SNTG2: variants seen among roughly 807,000 people sequenced by gnomAD.
The protein encoded by SNTG2 is gamma-2-syntrophin.
In SNTG2, 74 loss-of-function variants were observed where a neutral mutation model predicts 70.9. That is an observed-to-expected ratio of 1.04 (90% CI 0.86 to 1.27). The LOEUF is 1.27. Ranked by LOEUF, SNTG2 falls within the 50% of genes most tolerant of loss-of-function variation. SNTG2 has a pLI of 0.00. For synonymous variants in SNTG2, 278 were observed against 273.8 expected (o/e 1.02, Z -0.15); for missense variants, 717 against 690.7 (o/e 1.04, Z -0.43).
At chr2:1,351,783 T>G (rs1660595387) in intron 16 of SNTG2, among the ~76,000 whole-genome samples, 1 of 152,196 alleles carries the variant, frequency 6.6e-6, no homozygotes, top group Non-Finnish European at 1.5e-5. Flanking sequence ...TCTGACCTGG[T>G]TGTTCCAGGA....
At chr2:1,260,626 T>C (rs986003146) in intron 13 of SNTG2, among the ~76,000 whole-genome samples, 1 of 152,248 alleles carries the variant, frequency 6.6e-6, no homozygotes, top group African/African-American at 2.4e-5. Context: ...CTTTTCTAGT[T>C]ATTGTTGCTT....
intron 2 of SNTG2, among the ~76,000 whole-genome samples, chr2:1,092,286 G>A (rs1317133441): frequency 2.0e-5 from 3 of 151,784 alleles, no homozygotes; most frequent in South Asian, 4.2e-4. Context: ...TAGGTCCCTC[G>A]CCTTTCCCAC....
At chr2:1,248,619 G>A (rs962974342) in intron 12 of SNTG2, among the ~76,000 whole-genome samples, 2 of 152,136 alleles carry the variant, frequency 1.3e-5, no homozygotes, top group African/African-American at 2.4e-5. Context: ...TCAAATTCAA[G>A]TCCCAGAGGT....
intron 1 of SNTG2, among the ~76,000 whole-genome samples, chr2:976,979 G>A (rs1388916443): frequency 1.3e-5 from 2 of 152,212 alleles, no homozygotes; most frequent in African/African-American, 2.4e-5. Flanking sequence ...CAAGGGTCTT[G>A]TGGGATTTCT....
intron 6 of SNTG2, among the ~76,000 whole-genome samples, chr2:1,145,247 T>C (rs7601399): frequency 0.37 from 55,841 of 151,514 alleles, 11,108 homozygotes; most frequent in East Asian, 0.83. Context: ...TGATGAAAAT[T>C]AGAGAAGAAA....
intron 14 of SNTG2, among the ~76,000 whole-genome samples, chr2:1,283,650 C>T (rs1221418758): frequency 1.3e-5 from 2 of 152,170 alleles, no homozygotes; most frequent in African/African-American, 2.4e-5. Context: ...CTCACCACAG[C>T]CTGTGTGTGG....
intron 1 of SNTG2, among the ~76,000 whole-genome samples, chr2:996,578 G>A (rs1195412053): frequency 3.3e-5 from 5 of 149,874 alleles, no homozygotes; most frequent in Non-Finnish European, 5.9e-5. Context: ...ACACATATGT[G>A]TATCTACATC....
chr2:1,148,191 C>T (rs1452099078), intron 6 of SNTG2, among the ~76,000 whole-genome samples: 2 of 152,246 alleles, frequency 1.3e-5, no homozygotes, highest in Non-Finnish European at 2.9e-5. Flanking sequence ...TTGTGAGGCT[C>T]TGTCATTCCA....
intron 4 of SNTG2, among the ~76,000 whole-genome samples, chr2:1,126,182 T>C (rs1667688217): frequency 6.6e-6 from 1 of 152,196 alleles, no homozygotes; most frequent in East Asian, 1.9e-4. Context: ...GTAACCTCTA[T>C]TCTACTCCTT....
intron 4 of SNTG2, among the ~76,000 whole-genome samples, chr2:1,105,602 C>T (rs543625878): frequency 1.4e-4 from 21 of 152,304 alleles, no homozygotes; most frequent in Non-Finnish European, 2.5e-4. Context: ...CCGTTCTATA[C>T]ATAGATTTTA....
intron 1 of SNTG2, among the ~76,000 whole-genome samples, chr2:971,197 A>G (rs1481146455): frequency 6.6e-6 from 1 of 152,212 alleles, no homozygotes; most frequent in Non-Finnish European, 1.5e-5. Flanking sequence ...GTTTTGGAAT[A>G]GTTTCATTAG....
rs182716003 is a variant in SNTG2, at chr2:1,200,891, A to C, written c.592-8212A>C. ...TGGTTATTTTAAAAAAGATTTTAGA[A>C]AAATTACAGACTCTGGAAGGATGAG... On this transcript the variant is annotated intron_variant, in intron 8 of 16. Transcript: ENST00000308624. 1.2e-4 allele frequency among the ~76,000 whole-genome samples: 19 copies of C among 152,110 alleles called. No individual in the cohort carries two copies. In the East Asian group the frequency reaches 2.9e-3, roughly 23 times the overall value.
chr2:1,273,459 C>T (rs1679139750), intron 14 of SNTG2, among the ~76,000 whole-genome samples: 2 of 152,012 alleles, frequency 1.3e-5, no homozygotes, highest in Admixed American at 6.6e-5. Flanking sequence ...TTCATTAATG[C>T]CTTTACCACT....
chr2:1,275,635 C>T (rs966693707), intron 14 of SNTG2, among the ~76,000 whole-genome samples: 7 of 151,512 alleles, frequency 4.6e-5, no homozygotes, highest in South Asian at 2.1e-4. Context: ...CCTCATTCCA[C>T]GAGACATAAC....
intron 4 of SNTG2, among the ~76,000 whole-genome samples, chr2:1,119,552 G>GTTTTT (rs754786251): frequency 7.1e-6 from 1 of 140,506 alleles, no homozygotes. Flanking sequence ...TTAAAGGCTC[G>GTTTTT]TTTTTTTTTT....
rs138840760 is a variant in SNTG2 at position 1,268,387 on chromosome 2, G to A, written c.1284+816G>A. ...TCTGTGTTATTTATCTTTCATTCAC[G>A]TTGTCAAAATGTATCCAGGCTCCTT... On this transcript the variant is annotated intron_variant, in intron 14 of 16. Coordinates refer to ENST00000308624, the MANE Select transcript of SNTG2 (RefSeq NM_018968.4). Among the ~76,000 whole-genome samples, 1,079 of 152,222 alleles carry A rather than the reference G, an allele frequency of 7.1e-3. 4 individuals are homozygous for A. The highest frequency in any genetic ancestry group is 0.014 in the Middle Eastern group (4 of 294).
At chr2:1,236,608 A>G (rs965330549) in intron 9 of SNTG2, among the ~76,000 whole-genome samples, 5 of 152,248 alleles carry the variant, frequency 3.3e-5, no homozygotes, top group African/African-American at 1.2e-4. Context: ...CTGATTCAAG[A>G]AACACTAATT....
chr2:1,362,143 G>A (rs79479494), intron 16 of SNTG2, among the ~76,000 whole-genome samples: 280 of 15,000 alleles, frequency 0.019, 11 homozygotes, highest in East Asian at 0.15. Context: ...CTTCCACGAA[G>A]GTCACCGACC....
At chr2:1,066,752 C>T (rs1663182499) in intron 1 of SNTG2, among the ~76,000 whole-genome samples, 1 of 152,054 alleles carries the variant, frequency 6.6e-6, no homozygotes, top group Admixed American at 6.5e-5. Context: ...CTGGGGCACC[C>T]ACTTATCGAG....
Sources: gnomAD v4.1 joint callset for allele counts (sites outside exome capture counted in the v4.1 genomes callset) on GRCh38, gnomAD v4.1.1 for gene constraint, MANE v1.5 for transcripts, NCBI Gene and HGNC (gene_info 2026-07-23, HGNC 2026-07-21) for gene names.